The following PFDN1 variants were observed in gnomAD, a reference collection of about 807,000 sequenced individuals.
PFDN1 encodes prefoldin 1.
A neutral mutation model predicts 17.3 loss-of-function variants in PFDN1; 6 were observed. The observed-to-expected ratio is 0.35, with a 90% CI of 0.19 to 0.69. The LOEUF is 0.69. PFDN1 is among the 30% of genes least tolerant of loss of function. The pLI is 0.65. For missense variants in PFDN1, 113 were observed against 146.2 expected (o/e 0.77, Z 1.17); for synonymous variants, 58 against 50.1 (o/e 1.16, Z -0.67).
Position 140,245,768 on chromosome 5 carries a change from C to G in PFDN1, c.*206G>C. On this transcript the variant is annotated 3_prime_UTR_variant, in exon 4 of 4. Coordinates refer to ENST00000261813, the MANE Select transcript of PFDN1 (RefSeq NM_002622.5). ...ACACATCCCGAGAGGGAAGAGTGTC[C>G]TGGGCAGAGGTGGCAGGCAAAGCCG... 1.6e-6 allele frequency: 1 copy of G among 612,884 alleles called. No homozygotes were observed. The highest frequency in any genetic ancestry group is 2.8e-5 in the Admixed American group (1 of 35,872). 38.0% of individuals were successfully genotyped at this position (612,884 alleles called of 1,614,324 possible).
In PFDN1 at chr5:140,281,442, A is replaced by G; in HGVS notation, c.285+7T>C. On this transcript the variant is annotated splice_region_variant and intron_variant, in intron 3 of 3. Transcript: ENST00000261813. ...AAAGTTAACTCCTATTGCCAATAAAAACTTACTTCTAGTTCTTTAATTTTT... is the reference window on the plus strand; with the variant it reads ...AAAGTTAACTCCTATTGCCAATAAAGACTTACTTCTAGTTCTTTAATTTTT... 1 of 1,337,034 alleles carries G rather than the reference A, an allele frequency of 7.5e-7. No individual in the cohort carries two copies. Among genetic ancestry groups the G allele is most frequent in the East Asian group, 2.3e-5 (1 of 43,580 alleles). 82.8% of individuals were successfully genotyped at this position (1,337,034 alleles called of 1,614,324 possible). A position where few individuals can be genotyped will look rare whatever the true frequency, so the allele number is the denominator to read the frequency against.
intron 3 of PFDN1, among the ~76,000 whole-genome samples, chr5:140,246,319 C>T (rs1040162975): frequency 1.6e-4 from 24 of 152,170 alleles, no homozygotes; most frequent in African/African-American, 5.8e-4. Context: ...ACTCTTCCCC[C>T]AGAAGGAAGA....
intron 3 of PFDN1, among the ~76,000 whole-genome samples, chr5:140,271,421 G>A (rs573026931): frequency 1.6e-4 from 25 of 152,232 alleles, no homozygotes; most frequent in Non-Finnish European, 2.6e-4. Flanking sequence ...CTTCACCCAA[G>A]ACTCTCCAAG....
intron 2 of PFDN1, among the ~76,000 whole-genome samples, chr5:140,299,614 T>G (rs891049986): frequency 1.2e-4 from 18 of 151,770 alleles, no homozygotes; most frequent in Admixed American, 1.1e-3. Flanking sequence ...AAAAAAAATG[T>G]ACTTTAAAGT....
chr5:140,257,658 A>T (rs1197934026), intron 3 of PFDN1, among the ~76,000 whole-genome samples: 1 of 152,164 alleles, frequency 6.6e-6, no homozygotes, highest in Non-Finnish European at 1.5e-5. Context: ...AAGAGTAGGG[A>T]TCATGTCTGA....
At chr5:140,269,467 C>T (rs534558902) in intron 3 of PFDN1, among the ~76,000 whole-genome samples, 9 of 152,148 alleles carry the variant, frequency 5.9e-5, no homozygotes, top group Admixed American at 3.3e-4. Context: ...TACAGGCATG[C>T]GCCACCACGC....
At chr5:140,256,684 CTA>C (rs949436872) in intron 3 of PFDN1, among the ~76,000 whole-genome samples, 2 of 70,172 alleles carry the variant, frequency 2.9e-5, no homozygotes, top group African/African-American at 5.0e-5. Context: ...AAAAAAAAAG[CTA>C]TGTTTTTCAA....
chr5:140,297,036 G>A (rs1213225828), intron 2 of PFDN1, among the ~76,000 whole-genome samples: 1 of 152,188 alleles, frequency 6.6e-6, no homozygotes, highest in Non-Finnish European at 1.5e-5. Context: ...GATATGTGAA[G>A]AATGGATTTG....
intron 3 of PFDN1, among the ~76,000 whole-genome samples, chr5:140,260,799 A>T (rs1254254986): frequency 6.7e-6 from 1 of 150,192 alleles, no homozygotes; most frequent in Non-Finnish European, 1.5e-5. Flanking sequence ...ATGTTATGTG[A>T]ATTTTACCTC....
intron 3 of PFDN1, among the ~76,000 whole-genome samples, chr5:140,274,861 C>T (rs992484751): frequency 6.6e-6 from 1 of 151,806 alleles, no homozygotes; most frequent in Non-Finnish European, 1.5e-5. Context: ...AAAATTAGCC[C>T]AGGCACCTGT....
chr5:140,299,977 A>C (rs1765717347), intron 2 of PFDN1, among the ~76,000 whole-genome samples: 1 of 152,092 alleles, frequency 6.6e-6, no homozygotes, highest in African/African-American at 2.4e-5. Context: ...GGGCCATTGC[A>C]CTCCAGCCTG....
rs1184180438 is a variant in PFDN1, at chr5:140,245,132, T to C, written c.*842A>G. ...CATAATTTGCAAATTTACATAATTA[T>C]AATGGCTGTGTTTGACAACTGGCTT... On this transcript the variant is annotated 3_prime_UTR_variant, in exon 4 of 4. Transcript: ENST00000261813. The C allele has an allele frequency of 7.8e-6, 2 of 255,178 alleles. No individual in the cohort carries two copies. The highest frequency in any genetic ancestry group is 1.5e-5 in the Non-Finnish European group (2 of 131,374). 15.8% of individuals were successfully genotyped at this position (255,178 alleles called of 1,614,324 possible).
intron 3 of PFDN1, among the ~76,000 whole-genome samples, chr5:140,272,471 G>A (rs1434587084): frequency 2.7e-5 from 4 of 147,402 alleles, no homozygotes; most frequent in Middle Eastern, 3.6e-3. Context: ...AGCAATTCTC[G>A]GCCTCAGCCT....
At chr5:140,266,459 C>T (rs1561500357) in intron 3 of PFDN1, among the ~76,000 whole-genome samples, 1 of 152,230 alleles carries the variant, frequency 6.6e-6, no homozygotes, top group Non-Finnish European at 1.5e-5. Context: ...CTAATGTATG[C>T]TTTCCCAAGA....
intron 3 of PFDN1, among the ~76,000 whole-genome samples, chr5:140,258,268 G>A (rs1320034834): frequency 6.6e-6 from 1 of 152,102 alleles, no homozygotes; most frequent in Non-Finnish European, 1.5e-5. Context: ...AACGTCCTAT[G>A]AGTCATGAAT....
chr5:140,268,108 G>T (rs181907206), intron 3 of PFDN1, among the ~76,000 whole-genome samples: 2 of 152,294 alleles, frequency 1.3e-5, no homozygotes, highest in African/African-American at 4.8e-5. Context: ...CTGGCAGCAG[G>T]TAAGAGACTG....
At chr5:140,270,599 C>T (rs1054828177) in intron 3 of PFDN1, among the ~76,000 whole-genome samples, 3 of 151,968 alleles carry the variant, frequency 2.0e-5, no homozygotes, top group Non-Finnish European at 4.4e-5. Context: ...ATATATATTT[C>T]AAGATAAATA....
At position 140,246,552 on chromosome 5, in the gene PFDN1, G is replaced by T. The variant is rs528350768; in HGVS notation, c.286-495C>A. 2.6e-5 allele frequency among the ~76,000 whole-genome samples: 4 copies of T among 152,322 alleles called. No homozygotes were observed. The East Asian group carries it at 5.8e-4, about 22-fold the overall frequency. The stretch of plus-strand genomic sequence containing the variant: ...GCTGTGAGGGCTGTGGGGCTGTCTC[G>T]CATCGCACTGAGTGGGTGAGTCAGA... On this transcript the variant is annotated intron_variant, in intron 3 of 3. Transcript: ENST00000261813.
At position 140,262,800 on chromosome 5, in the gene PFDN1, A is replaced by C. The variant is rs561357371; in HGVS notation, c.286-16743T>G. Among the ~76,000 whole-genome samples the C allele has an allele frequency of 9.2e-5, 14 of 152,252 alleles. No homozygotes were observed. In the South Asian group the frequency reaches 2.5e-3, roughly 27 times the overall value. The stretch of plus-strand genomic sequence containing the variant: ...TAGCATCATTTGTGTAAAAAAAAAA[A>C]CCAAAAAGGTAAATATTACAAAATG... On this transcript the variant is annotated intron_variant, in intron 3 of 3. Transcript: ENST00000261813.
Sources: allele counts gnomAD v4.1 joint callset (sites outside exome capture counted in the v4.1 genomes callset), GRCh38; gene constraint gnomAD v4.1.1; transcripts MANE v1.5; gene names NCBI Gene and HGNC (gene_info 2026-07-23, HGNC 2026-07-21).